The following NR3C2 variants were observed in gnomAD, a reference collection of about 807,000 sequenced individuals.
NR3C2 encodes mineralocorticoid receptor.
A neutral mutation model predicts 86.4 loss-of-function variants in NR3C2; 15 were observed. That is an observed-to-expected ratio of 0.17 (90% confidence interval 0.12 to 0.27). The LOEUF (loss-of-function observed/expected upper bound fraction) is 0.27, where lower values mean the gene tolerates loss of function less well. NR3C2 is among the 10% of genes least tolerant of loss of function. NR3C2 has a pLI of 1.00. For missense variants in NR3C2, 960 were observed against 1,195.6 expected (o/e 0.80, Z 2.91); for synonymous variants, 458 against 450.5 (o/e 1.02, Z -0.21).
intron 2 of NR3C2, among the ~76,000 whole-genome samples, chr4:148,390,051 A>G (rs1747461229): frequency 6.6e-6 from 1 of 152,036 alleles, no homozygotes; most frequent in African/African-American, 2.4e-5. Flanking sequence ...CTGGAGAGGG[A>G]CACACCAGGG....
chr4:148,231,577 T>G (rs1336036108), intron 3 of NR3C2, among the ~76,000 whole-genome samples: 1 of 152,194 alleles, frequency 6.6e-6, no homozygotes, highest in Non-Finnish European at 1.5e-5. Context: ...GTAATAATCT[T>G]TTAGCAGGTA....
At chr4:148,200,640 A>G (rs1449608451) in intron 3 of NR3C2, among the ~76,000 whole-genome samples, 2 of 152,216 alleles carry the variant, frequency 1.3e-5, no homozygotes, top group South Asian at 2.1e-4. Flanking sequence ...GCCTTTTCAT[A>G]TATCAGTTTC....
At chr4:148,137,864 A>AAC (rs1179841911) in intron 6 of NR3C2, among the ~76,000 whole-genome samples, 5 of 152,358 alleles carry the variant, frequency 3.3e-5, no homozygotes, top group African/African-American at 9.6e-5. Flanking sequence ...GGAATTTGCA[A>AAC]ACAGGCAAAA....
intron 4 of NR3C2, among the ~76,000 whole-genome samples, chr4:148,184,179 G>C (rs143017162): frequency 2.6e-5 from 4 of 151,946 alleles, no homozygotes; most frequent in Admixed American, 2.0e-4. Flanking sequence ...GGCTGGGTGC[G>C]GTAGCTCACG....
intron 3 of NR3C2, among the ~76,000 whole-genome samples, chr4:148,236,547 GA>G (rs1738760302): frequency 6.6e-6 from 1 of 151,982 alleles, no homozygotes. Flanking sequence ...AAAAAGGTCA[GA>G]AAAGTTTTGT....
chr4:148,296,846 G>A (rs1227010573), intron 2 of NR3C2, among the ~76,000 whole-genome samples: 1 of 152,168 alleles, frequency 6.6e-6, no homozygotes, highest in Non-Finnish European at 1.5e-5. Flanking sequence ...GACATTAAAA[G>A]CAATGATTAC....
In NR3C2 at chr4:148,261,298, C is replaced by T. The variant is rs542407374; in HGVS notation, c.1758-1181G>A. Among the ~76,000 whole-genome samples the T allele has an allele frequency of 2.1e-3, 252 of 119,910 alleles. 2 individuals are homozygous for T. The highest frequency in any genetic ancestry group is 7.0e-3 in the African/African-American group (239 of 34,112). 78.7% of individuals were successfully genotyped at this position (119,910 alleles called of 152,430 possible). A position where few individuals can be genotyped will look rare whatever the true frequency, so the allele number is the denominator to read the frequency against. On this transcript the variant is annotated intron_variant, in intron 2 of 8. Transcript: ENST00000358102. Reference sequence around the variant, plus strand: ...ACTATGGTAAGCGCTATGGTAAGTGCTATGGTGCGCTATGGTAAGCGCTAT... The same window carrying T: ...ACTATGGTAAGCGCTATGGTAAGTGTTATGGTGCGCTATGGTAAGCGCTAT...
intron 6 of NR3C2, among the ~76,000 whole-genome samples, chr4:148,139,925 A>G (rs1040854398): frequency 2.0e-5 from 3 of 152,246 alleles, no homozygotes; most frequent in Non-Finnish European, 1.5e-5. Flanking sequence ...ATGTGATACA[A>G]TAAAAATAAT....
At chr4:148,091,909 AACT>A (rs1307499176) in intron 8 of NR3C2, among the ~76,000 whole-genome samples, 2 of 152,158 alleles carry the variant, frequency 1.3e-5, no homozygotes, top group Non-Finnish European at 2.9e-5. Flanking sequence ...TTGGAACCCA[AACT>A]ACTATTCCCA....
chr4:148,223,323 C>T (rs1011314026), intron 3 of NR3C2, among the ~76,000 whole-genome samples: 4 of 152,244 alleles, frequency 2.6e-5, no homozygotes, highest in African/African-American at 9.6e-5. Flanking sequence ...TAAGGAACCA[C>T]TCGTTTGACC....
chr4:148,120,078 A>C, intron 7 of NR3C2, 80 bp downstream of exon 7: 1 of 1,579,558 alleles, frequency 6.3e-7, no homozygotes, highest in Non-Finnish European at 8.7e-7. Flanking sequence ...CAACTACCTG[A>C]ATACAATAAA....
Position 148,080,313 on chromosome 4 carries a change from G to A in NR3C2, c.*1031C>T, listed in dbSNP as rs1385008105. The A allele has an allele frequency of 6.6e-6, 1 of 152,668 alleles. No homozygotes were observed. Among genetic ancestry groups the A allele is most frequent in the Non-Finnish European group, 1.5e-5 (1 of 68,038 alleles). 9.5% of individuals were successfully genotyped at this position (152,668 alleles called of 1,614,324 possible). A position where few individuals can be genotyped will look rare whatever the true frequency, so the allele number is the denominator to read the frequency against. Reference sequence around the variant, plus strand: ...AAAGTAGAAAGGTTTCAAGACAACCGAAGAGGTTTCAGTGTGGTTATTTAC... The same window carrying A: ...AAAGTAGAAAGGTTTCAAGACAACCAAAGAGGTTTCAGTGTGGTTATTTAC... On this transcript the variant is annotated 3_prime_UTR_variant, in exon 9 of 9. Transcript: ENST00000358102.
At chr4:148,309,866 G>A (rs980485008) in intron 2 of NR3C2, among the ~76,000 whole-genome samples, 40 of 151,844 alleles carry the variant, frequency 2.6e-4, no homozygotes, top group Non-Finnish European at 5.7e-4. Flanking sequence ...AAATTTCATA[G>A]AATGTGTTAA....
intron 2 of NR3C2, among the ~76,000 whole-genome samples, chr4:148,399,026 A>T (rs1221722031): frequency 6.6e-6 from 1 of 152,224 alleles, no homozygotes; most frequent in African/African-American, 2.4e-5. Flanking sequence ...GTGCATATTT[A>T]GGATGGCACA....
At chr4:148,350,730 G>C (rs539466660) in intron 2 of NR3C2, among the ~76,000 whole-genome samples, 2 of 152,194 alleles carry the variant, frequency 1.3e-5, no homozygotes, top group East Asian at 3.8e-4. Context: ...GATACAGACA[G>C]AGCCCTTAGT....
intron 1 of NR3C2, among the ~76,000 whole-genome samples, chr4:148,438,667 A>C (rs1045132315): frequency 2.6e-5 from 4 of 152,338 alleles, no homozygotes; most frequent in Non-Finnish European, 5.9e-5. Flanking sequence ...TTGAAAAATA[A>C]TGCTACTAAA....
At chr4:148,285,870 T>C (rs751993096) in intron 2 of NR3C2, among the ~76,000 whole-genome samples, 2 of 152,256 alleles carry the variant, frequency 1.3e-5, no homozygotes, top group African/African-American at 2.4e-5. Flanking sequence ...TTCCTATCAA[T>C]GTTCTATTTC....
intron 6 of NR3C2, among the ~76,000 whole-genome samples, chr4:148,145,144 C>G (rs932653029): frequency 1.3e-5 from 2 of 152,148 alleles, no homozygotes; most frequent in Non-Finnish European, 2.9e-5. Context: ...CTGATAAGAT[C>G]TCAGGAGTTG....
chr4:148,093,163 G>A (rs1312866829), intron 8 of NR3C2, among the ~76,000 whole-genome samples: 1 of 152,252 alleles, frequency 6.6e-6, no homozygotes, highest in Non-Finnish European at 1.5e-5. Context: ...CAGGGTGGAA[G>A]AGGAGCCTGG....
Sources: allele counts gnomAD v4.1 joint callset (sites outside exome capture counted in the v4.1 genomes callset), GRCh38; gene constraint gnomAD v4.1.1; transcripts MANE v1.5; gene names NCBI Gene and HGNC (gene_info 2026-07-23, HGNC 2026-07-21).